The following MYLK3 variants were observed in gnomAD, a reference collection of about 807,000 sequenced individuals.
The protein encoded by MYLK3 is MLC kinase.
In MYLK3, 55 loss-of-function variants were observed where a neutral mutation model predicts 76.3. The observed-to-expected ratio is 0.72, with a 90% CI of 0.58 to 0.90. The LOEUF (loss-of-function observed/expected upper bound fraction) is 0.90, where lower values mean the gene tolerates loss of function less well. MYLK3 is among the 40% of genes least tolerant of loss of function. MYLK3 has a pLI of 0.00. For synonymous variants in MYLK3, 416 were observed against 425.4 expected (o/e 0.98, Z 0.27); for missense variants, 973 against 1,053.6 (o/e 0.92, Z 1.06).
At chr16:46,763,205 A>C in exon 1 of MYLK3, 1 of 985,450 alleles carries the variant, frequency 1.0e-6, no homozygotes, top group Non-Finnish European at 1.2e-6. Flanking sequence ...AGATCTGTGC[A>C]AGCTGCCCTC....
Position 46,747,767 on chromosome 16 carries a change from G to C in MYLK3, c.427C>G (p.Gln143Glu), listed in dbSNP as rs139998755. The C allele has an allele frequency of 4.9e-5, 79 of 1,614,058 alleles. No homozygotes were observed. The highest frequency in any genetic ancestry group is 6.4e-5 in the Non-Finnish European group (76 of 1,180,038). ...QKSKVADFLM[Q>E]GRVPWRRGSP... ...CCTCTCCTCCAGGGCACACGCCCCT[G>C]CATGAGGAAATCCGCCACCTTTGAT... The change falls in exon 1 of 13, where the codon CAG becomes GAG. Residue 143 changes from glutamine (Q) to glutamate (E), a missense_variant. Transcript: ENST00000394809.
rs773675126 is a variant in MYLK3 at position 46,719,156 on chromosome 16, G to A, written c.1985+1967C>T. The stretch of plus-strand genomic sequence containing the variant: ...ATCCTGGCCAACATGGTGAAACCCC[G>A]TCTCTACTAAAAATACAAAAATTAG... On this transcript the variant is annotated intron_variant, in intron 9 of 12. Transcript: ENST00000394809. 3.3e-5 allele frequency among the ~76,000 whole-genome samples: 5 copies of A among 151,904 alleles called. No homozygotes were observed. The South Asian group carries it at 6.2e-4, about 19-fold the overall frequency.
chr16:46,723,712 C>G (rs1567284000), intron 8 of MYLK3, among the ~76,000 whole-genome samples: 2 of 150,986 alleles, frequency 1.3e-5, no homozygotes, highest in Non-Finnish European at 2.9e-5. Context: ...GTGCAGTGCC[C>G]TGATTCCGCT....
Position 46,705,628 on chromosome 16 carries a change from A to T in MYLK3, c.*2076T>A, listed in dbSNP as rs1596741834. On this transcript the variant is annotated 3_prime_UTR_variant, in exon 13 of 13. Coordinates refer to ENST00000394809, the MANE Select transcript of MYLK3 (RefSeq NM_182493.3). ...AATTTTAAAGATTGTATATTTTTTC[A>T]TAATAAAGTACTCCTTTAACCATTT... is the stretch of plus-strand genomic sequence containing the variant. The T allele has an allele frequency of 6.6e-6, 1 of 152,350 alleles. No homozygotes were observed. The highest frequency in any genetic ancestry group is 1.9e-4 in the East Asian group (1 of 5,194). The allele number at this position is 152,350 out of a possible 1,614,324, so 9.4% of individuals were successfully genotyped here.
At chr16:46,741,106 G>A (rs1056531452) in intron 1 of MYLK3, among the ~76,000 whole-genome samples, 2 of 152,220 alleles carry the variant, frequency 1.3e-5, no homozygotes, top group Admixed American at 1.3e-4. Flanking sequence ...ACTTGGCCAA[G>A]ATCCTTAAAT....
At chr16:46,747,596 T>A in intron 1 of MYLK3, 121 bp downstream of exon 1, 1 of 958,914 alleles carries the variant, frequency 1.0e-6, no homozygotes, top group South Asian at 1.6e-5. Flanking sequence ...CTTTTCCCCA[T>A]CAACAGGTCA....
At chr16:46,740,206 A>T in intron 1 of MYLK3, 59 bp from the exon 2 acceptor site, 3 of 1,432,108 alleles carry the variant, frequency 2.1e-6, no homozygotes, top group Non-Finnish European at 3.0e-6. Context: ...TTCAGGCCAC[A>T]GACATTTGTT....
At position 46,707,659 on chromosome 16, in the gene MYLK3, T is replaced by C. The variant is rs778772716; in HGVS notation, c.*45A>G. 3 of 1,358,560 alleles carry C rather than the reference T, an allele frequency of 2.2e-6. No individual in the cohort carries two copies. Among genetic ancestry groups the C allele is most frequent in the Non-Finnish European group, 1.0e-6 (1 of 959,290 alleles). The allele number at this position is 1,358,560 out of a possible 1,614,324, so 84.2% of individuals were successfully genotyped here. A position where few individuals can be genotyped will look rare whatever the true frequency, so the allele number is the denominator to read the frequency against. ...TTGAGTCATCTCTTCACTTCACCACTGGCCTCAGTAATTTCTGGACCCATT... is the reference window on the plus strand; with the variant it reads ...TTGAGTCATCTCTTCACTTCACCACCGGCCTCAGTAATTTCTGGACCCATT... On this transcript the variant is annotated 3_prime_UTR_variant, in exon 13 of 13. Transcript: ENST00000394809.
chr16:46,715,836 G>A (rs576707406), intron 9 of MYLK3, among the ~76,000 whole-genome samples: 126 of 152,306 alleles, frequency 8.3e-4, no homozygotes, highest in African/African-American at 2.9e-3. Flanking sequence ...GTATTGGGGG[G>A]AAATTAGCAT....
chr16:46,721,050 G>A (rs1966794037), intron 9 of MYLK3, 73 bp downstream of exon 9: 5 of 1,327,262 alleles, frequency 3.8e-6, no homozygotes, highest in Admixed American at 1.7e-5. Flanking sequence ...GCTGGGTCAG[G>A]AGTAACCATG....
At chr16:46,742,846 T>C (rs756113498) in intron 1 of MYLK3, among the ~76,000 whole-genome samples, 4 of 152,158 alleles carry the variant, frequency 2.6e-5, no homozygotes, top group Non-Finnish European at 5.9e-5. Flanking sequence ...CAGCTCCCCC[T>C]TATCCTTCTG....
At chr16:46,741,770 ATT>A (rs11314898) in intron 1 of MYLK3, among the ~76,000 whole-genome samples, 1,667 of 134,034 alleles carry the variant, frequency 0.012, 10 homozygotes, top group Middle Eastern at 0.042. Flanking sequence ...TGGGCTTGCA[ATT>A]TTTTTTTTTT....
intron 1 of MYLK3, among the ~76,000 whole-genome samples, chr16:46,758,138 C>A (rs1010728616): frequency 6.6e-6 from 1 of 152,014 alleles, no homozygotes; most frequent in African/African-American, 2.4e-5. Flanking sequence ...GACAAGGAGA[C>A]AAGGACACGT....
chr16:46,709,755 G>C, intron 11 of MYLK3, 84 bp from the exon 12 acceptor site: 2 of 1,487,508 alleles, frequency 1.3e-6, no homozygotes, highest in South Asian at 1.2e-5. Flanking sequence ...TAGGAAGCCT[G>C]AGTCAGTGGA....
chr16:46,736,052 G>A (rs1966867166), intron 3 of MYLK3, among the ~76,000 whole-genome samples: 1 of 152,136 alleles, frequency 6.6e-6, no homozygotes, highest in Non-Finnish European at 1.5e-5. Context: ...TTGTCTCCCA[G>A]GCTGGAGTGC....
chr16:46,757,051 C>T (rs1456846705), intron 1 of MYLK3, among the ~76,000 whole-genome samples: 4 of 152,150 alleles, frequency 2.6e-5, no homozygotes, highest in African/African-American at 9.7e-5. Flanking sequence ...GCCACCTCCC[C>T]GCCCGCACCA....
At chr16:46,762,333 TA>T (rs1266149996) in intron 1 of MYLK3, among the ~76,000 whole-genome samples, 2 of 152,220 alleles carry the variant, frequency 1.3e-5, no homozygotes, top group Non-Finnish European at 2.9e-5. Context: ...ATTTTTCTAA[TA>T]AAAAATTAAG....
At position 46,734,123 on chromosome 16, in the gene MYLK3, C is replaced by T. The variant is rs899409629; in HGVS notation, c.1002-1455G>A. On this transcript the variant is annotated intron_variant, in intron 3 of 12. Coordinates refer to ENST00000394809, the MANE Select transcript of MYLK3 (RefSeq NM_182493.3). ...ATCTGTACACTCATAACTGTAGCAGCATTACTCACAAAAGCCAAAAGGTGG... is the reference window on the plus strand; with the variant it reads ...ATCTGTACACTCATAACTGTAGCAGTATTACTCACAAAAGCCAAAAGGTGG... Among the ~76,000 whole-genome samples, 3 of 152,300 alleles carry T rather than the reference C, an allele frequency of 2.0e-5. No homozygotes were observed. The South Asian group carries it at 6.2e-4, about 32-fold the overall frequency.
At chr16:46,748,833 T>C (rs1002473584), upstream of MYLK3, among the ~76,000 whole-genome samples, 1 of 152,212 alleles carries the variant, frequency 6.6e-6, no homozygotes, top group Non-Finnish European at 1.5e-5. This position sits in a 1 kb window ranked among gnomAD's most constrained non-coding sequence, Gnocchi z 4.3. Flanking sequence ...GTGTTTAGAC[T>C]GTCTGTGGGG....
Sources: gnomAD v4.1 joint callset for allele counts (sites outside exome capture counted in the v4.1 genomes callset) on GRCh38, gnomAD v4.1.1 for gene constraint, Gnocchi (gnomAD v3.1) non-coding constraint, MANE v1.5 for transcripts, NCBI Gene and HGNC (gene_info 2026-07-23, HGNC 2026-07-21) for gene names.